The following TNPO3 variants were observed in gnomAD, a reference collection of about 807,000 sequenced individuals.
TNPO3 encodes the protein transportin-3.
Under a neutral mutation model 122.8 loss-of-function variants are expected in TNPO3, and 65 were observed. The observed-to-expected ratio is 0.53, with a 90% CI of 0.43 to 0.65. The LOEUF is 0.65. TNPO3 is among the 30% of genes least tolerant of loss of function. The probability of loss-of-function intolerance (pLI) is 0.00; values close to 1 mark genes in which losing one functional copy is unlikely to be tolerated. For missense variants in TNPO3, 850 were observed against 1,136.7 expected, an observed-to-expected ratio of 0.75 and a Z score of 3.63; for synonymous variants, 372 against 411.2, an observed-to-expected ratio of 0.90 and a Z score of 1.15.
At chr7:129,008,091 G>A (rs1291888185) in intron 4 of TNPO3, among the ~76,000 whole-genome samples, 1 of 152,052 alleles carries the variant, frequency 6.6e-6, no homozygotes. Flanking sequence ...AGAGGTTGCA[G>A]TGAGCTGAGA....
chr7:129,047,866 G>A (rs1259051328), intron 1 of TNPO3, among the ~76,000 whole-genome samples: 4 of 151,986 alleles, frequency 2.6e-5, no homozygotes, highest in Non-Finnish European at 5.9e-5. Context: ...AAAATCTTCC[G>A]GAAAGAAAAA....
chr7:128,956,645 C>CA (rs1796927900), intron 22 of TNPO3, among the ~76,000 whole-genome samples: 1 of 152,084 alleles, frequency 6.6e-6, no homozygotes, highest in East Asian at 1.9e-4. Context: ...TCCAAAATCC[C>CA]AAAAAATCCA....
At chr7:129,032,080 T>TCCA (rs34842192) in intron 1 of TNPO3, among the ~76,000 whole-genome samples, 87,711 of 151,592 alleles carry the variant, frequency 0.58, 25,619 homozygotes, top group South Asian at 0.62. Flanking sequence ...ATAAATGTAA[T>TCCA]CCACATTAAC....
chr7:128,976,623 A>G (rs1450000103), intron 16 of TNPO3, among the ~76,000 whole-genome samples: 2 of 152,104 alleles, frequency 1.3e-5, no homozygotes, highest in Non-Finnish European at 2.9e-5. Context: ...ATAGGTGTGC[A>G]CCACCATGCC....
chr7:129,033,906 CAA>C (rs776103730), intron 1 of TNPO3, among the ~76,000 whole-genome samples: 65 of 72,408 alleles, frequency 9.0e-4, no homozygotes, highest in East Asian at 8.3e-4. Flanking sequence ...GAGCTAAACT[CAA>C]AAAAAAAAAA....
intron 1 of TNPO3, among the ~76,000 whole-genome samples, chr7:129,048,277 C>G (rs905997232): frequency 6.6e-6 from 1 of 152,058 alleles, no homozygotes; most frequent in African/African-American, 2.4e-5. Flanking sequence ...ACCTCTAATC[C>G]CAGCACTTTG....
intron 1 of TNPO3, among the ~76,000 whole-genome samples, chr7:129,048,790 C>T (rs751079804): frequency 3.3e-5 from 5 of 152,012 alleles, no homozygotes; most frequent in Non-Finnish European, 5.9e-5. Context: ...GTGAGTTATC[C>T]AACTGAGTAT....
At chr7:128,966,898 G>C (rs1797975740) in intron 21 of TNPO3, among the ~76,000 whole-genome samples, 1 of 152,154 alleles carries the variant, frequency 6.6e-6, no homozygotes, top group African/African-American at 2.4e-5. Context: ...ATCACTTTCT[G>C]ATGTTTTATA....
In TNPO3 at chr7:128,972,430, T is replaced by C. The variant is rs1002747651; in HGVS notation, c.2426A>G (p.Asn809Ser). The part of the protein sequence containing the change: ...LRDLIHTGVA[N>S]DHEEDFELRK... Reference sequence around the variant, plus strand: ...TGGTATCATTTTTATACTTACATCATTGGCTACCCCTGTATGAATGAGGTC... The same window carrying C: ...TGGTATCATTTTTATACTTACATCACTGGCTACCCCTGTATGAATGAGGTC... Residue 809 changes from asparagine to serine, a missense_variant, in exon 19 of 23, where the codon AAT becomes AGT. Physicochemically the swap from Asn to Ser is conservative, Grantham distance 46. Coordinates refer to ENST00000265388, the MANE Select transcript of TNPO3 (RefSeq NM_012470.4). 6.8e-6 allele frequency: 11 copies of C among 1,609,736 alleles called. No individual in the cohort carries two copies. The highest frequency in any genetic ancestry group is 5.1e-5 in the Admixed American group (3 of 58,954).
At chr7:128,982,359 C>A in intron 13 of TNPO3, 35 bp from the exon 14 acceptor site, 1 of 1,585,602 alleles carries the variant, frequency 6.3e-7, no homozygotes, top group South Asian at 1.1e-5. Flanking sequence ...ACCCAATTGT[C>A]ACATGTACAA....
In TNPO3 at chr7:129,005,069, C is replaced by T. The variant is rs1433633369; in HGVS notation, c.643G>A (p.Asp215Asn). 1 of 1,613,838 alleles carries T rather than the reference C, an allele frequency of 6.2e-7. No individual in the cohort carries two copies. The highest frequency in any genetic ancestry group is 1.3e-5 in the African/African-American group (1 of 74,936). The change falls in exon 5 of 23, where the codon GAC becomes AAC. Residue 215 changes from aspartate (D) to asparagine (N), a missense_variant. By Grantham distance (23) the Asp-to-Asn change is conservative (BLOSUM62 1). Coordinates refer to ENST00000265388, the MANE Select transcript of TNPO3 (RefSeq NM_012470.4). ...LGSWFNLGVL[D>N]SNFMANNKLL... ...TTATTGTTAGCCATGAAGTTACTGT[C>T]CAAAACTCCCAAGTTAAACCAACTT...
At chr7:129,040,265 A>G (rs1026326386) in intron 1 of TNPO3, among the ~76,000 whole-genome samples, 12 of 152,160 alleles carry the variant, frequency 7.9e-5, no homozygotes, top group Non-Finnish European at 1.0e-4. Context: ...AAAAAAAAAA[A>G]AAAAAGAAAA....
At chr7:129,050,075 T>C (rs534087783) in intron 1 of TNPO3, among the ~76,000 whole-genome samples, 1 of 152,042 alleles carries the variant, frequency 6.6e-6, no homozygotes, top group South Asian at 2.1e-4. Context: ...CTTTTTTTTC[T>C]TTTTTTAAAA....
chr7:129,010,811 A>G (rs1384098943), intron 4 of TNPO3, among the ~76,000 whole-genome samples: 4 of 152,198 alleles, frequency 2.6e-5, no homozygotes, highest in African/African-American at 9.6e-5. Context: ...CTAGGAAAGA[A>G]TTATATCCTA....
intron 1 of TNPO3, among the ~76,000 whole-genome samples, chr7:129,052,031 A>G (rs1808840239): frequency 6.6e-6 from 1 of 152,244 alleles, no homozygotes; most frequent in Non-Finnish European, 1.5e-5. Context: ...TAAAGGAATC[A>G]GAAGGCCAAA....
chr7:129,034,425 G>C (rs1441632863), intron 1 of TNPO3, among the ~76,000 whole-genome samples: 2 of 152,056 alleles, frequency 1.3e-5, no homozygotes, highest in Non-Finnish European at 2.9e-5. Context: ...AGTACTGCTT[G>C]AGCCCAGGAT....
chr7:129,000,061 T>C (rs1011896996), intron 7 of TNPO3, among the ~76,000 whole-genome samples: 1 of 152,190 alleles, frequency 6.6e-6, no homozygotes, highest in Non-Finnish European at 1.5e-5. Flanking sequence ...TTCTCATCCA[T>C]CATTTGGAGA....
intron 1 of TNPO3, among the ~76,000 whole-genome samples, chr7:129,037,892 T>C (rs572813635): frequency 1.3e-4 from 20 of 152,106 alleles, no homozygotes; most frequent in African/African-American, 4.8e-4. Flanking sequence ...AAAAACTATT[T>C]TGCACAATAC....
At chr7:129,020,141 C>T (rs938391100) in intron 1 of TNPO3, among the ~76,000 whole-genome samples, 1 of 152,016 alleles carries the variant, frequency 6.6e-6, no homozygotes, top group South Asian at 2.1e-4. Flanking sequence ...CCTCCCGCCC[C>T]CCACCAAAAA....
Sources: allele counts gnomAD v4.1 joint callset (sites outside exome capture counted in the v4.1 genomes callset), GRCh38; gene constraint gnomAD v4.1.1; transcripts MANE v1.5; gene names NCBI Gene and HGNC (gene_info 2026-07-23, HGNC 2026-07-21).